FHIT: variants seen among roughly 807,000 people sequenced by gnomAD.
FHIT encodes the protein bis(5'-adenosyl)-triphosphatase.
FHIT carries 19 observed loss-of-function variants against 17.9 expected under a neutral mutation model. That is an observed-to-expected ratio of 1.06 (90% CI 0.74 to 1.56). The LOEUF is 1.56. Ranked by LOEUF, FHIT falls within the 40% of genes most tolerant of loss-of-function variation. The pLI is 0.00. For missense variants in FHIT, 248 were observed against 189.2 expected (o/e 1.31, Z -1.82); for synonymous variants, 81 against 69.7 (o/e 1.16, Z -0.81).
intron 5 of FHIT, among the ~76,000 whole-genome samples, chr3:60,511,625 A>T (rs2034954005): frequency 6.6e-6 from 1 of 152,172 alleles, no homozygotes; most frequent in Non-Finnish European, 1.5e-5. Flanking sequence ...ATGATTTAAA[A>T]TATATGTATA....
Position 60,138,921 on chromosome 3 carries a change from G to A in FHIT, c.104-124769C>T, listed in dbSNP as rs927006453. Among the ~76,000 whole-genome samples the A allele has an allele frequency of 2.6e-5, 4 of 152,166 alleles. No homozygotes were observed. The East Asian group carries it at 5.8e-4, about 22-fold the overall frequency. ...ACCAACACAGCCTTTGACTTTATAGGAAAGCCACACTAGCAACAAAATAAA... is the reference window on the plus strand; with the variant it reads ...ACCAACACAGCCTTTGACTTTATAGAAAAGCCACACTAGCAACAAAATAAA... On this transcript the variant is annotated intron_variant, in intron 5 of 9. Transcript: ENST00000492590.
At chr3:60,688,350 G>A (rs2040906372) in intron 4 of FHIT, among the ~76,000 whole-genome samples, 1 of 151,802 alleles carries the variant, frequency 6.6e-6, no homozygotes, top group South Asian at 2.1e-4. Context: ...TAAGAAAATG[G>A]CTTTTTACAA....
chr3:60,621,118 G>A (rs1162279770), intron 4 of FHIT, among the ~76,000 whole-genome samples: 8 of 148,374 alleles, frequency 5.4e-5, no homozygotes, highest in Non-Finnish European at 1.0e-4. Context: ...TCACAGTTTG[G>A]TATTTATGCT....
chr3:60,756,172 C>A (rs1179714304), intron 4 of FHIT, among the ~76,000 whole-genome samples: 1 of 152,226 alleles, frequency 6.6e-6, no homozygotes, highest in Admixed American at 6.5e-5. Flanking sequence ...AACTTCAATG[C>A]ATCTTGATTC....
At chr3:60,937,311 A>T (rs1708231916) in intron 3 of FHIT, among the ~76,000 whole-genome samples, 1 of 152,242 alleles carries the variant, frequency 6.6e-6, no homozygotes, top group Admixed American at 6.5e-5. Context: ...GCCTACTAGG[A>T]GAATATTTTC....
At chr3:59,803,651 C>T (rs1700087049) in intron 8 of FHIT, among the ~76,000 whole-genome samples, 1 of 152,166 alleles carries the variant, frequency 6.6e-6, no homozygotes, top group Admixed American at 6.5e-5. Flanking sequence ...TAAAGAAGTT[C>T]TGGACCTTTT....
intron 5 of FHIT, among the ~76,000 whole-genome samples, chr3:60,066,595 A>G (rs1173626553): frequency 1.5e-5 from 2 of 131,142 alleles, no homozygotes; most frequent in African/African-American, 5.5e-5. Context: ...CTGTTCACTG[A>G]CTATTTGTTA....
intron 8 of FHIT, among the ~76,000 whole-genome samples, chr3:59,791,241 T>A (rs1478219036): frequency 6.6e-6 from 1 of 152,176 alleles, no homozygotes; most frequent in South Asian, 2.1e-4. Context: ...TGGCCATGGT[T>A]ATTGGCTCAG....
intron 5 of FHIT, among the ~76,000 whole-genome samples, chr3:60,385,870 G>C (rs906606283): frequency 6.6e-6 from 1 of 152,108 alleles, no homozygotes; most frequent in Non-Finnish European, 1.5e-5. Flanking sequence ...GAGCCACTGT[G>C]CCTGGTCCAT....
At chr3:61,172,527 A>G (rs17064561) in intron 2 of FHIT, among the ~76,000 whole-genome samples, 6,974 of 152,286 alleles carry the variant, frequency 0.046, 515 homozygotes, top group East Asian at 0.27. Flanking sequence ...ATCTTTTAAC[A>G]TCTTTTGAAT....
chr3:60,787,525 A>C (rs782300078), intron 4 of FHIT, among the ~76,000 whole-genome samples: 4 of 152,234 alleles, frequency 2.6e-5, no homozygotes, highest in Non-Finnish European at 2.9e-5. Context: ...AGCAAGCTCC[A>C]TGAAGGCAGT....
intron 5 of FHIT, among the ~76,000 whole-genome samples, chr3:60,239,680 A>G (rs1705026840): frequency 1.3e-5 from 2 of 152,194 alleles, no homozygotes; most frequent in South Asian, 4.1e-4. Flanking sequence ...AAGCATGGAA[A>G]AACACACAGA....
chr3:60,181,470 T>C (rs538584856), intron 5 of FHIT, among the ~76,000 whole-genome samples: 91 of 152,298 alleles, frequency 6.0e-4, no homozygotes, highest in Middle Eastern at 6.8e-3. Flanking sequence ...ATCCTCATTT[T>C]ACAGATGGGA....
At chr3:59,763,066 G>C (rs370032723) in intron 8 of FHIT, among the ~76,000 whole-genome samples, 1 of 152,142 alleles carries the variant, frequency 6.6e-6, no homozygotes, top group Admixed American at 6.5e-5. Context: ...TTCAGATATT[G>C]GTGTTTAAGC....
rs1352005364 is a variant in FHIT, at chr3:61,006,807, G to C, written c.-111+35240C>G. Among the ~76,000 whole-genome samples, 16 of 151,982 alleles carry C rather than the reference G, an allele frequency of 1.1e-4. No individual in the cohort carries two copies. In the East Asian group the frequency reaches 3.1e-3, roughly 29 times the overall value. On this transcript the variant is annotated intron_variant, in intron 3 of 9. Transcript: ENST00000492590. ...TACTCCATTCTTCGGAAATTATCTAGATACAAATATATACATGGCTAAGTT... is the reference window on the plus strand; with the variant it reads ...TACTCCATTCTTCGGAAATTATCTACATACAAATATATACATGGCTAAGTT...
chr3:60,415,849 TTTATATAAGATATTATTATA>T (rs1465917734), intron 5 of FHIT, among the ~76,000 whole-genome samples: 3 of 146,862 alleles, frequency 2.0e-5, no homozygotes, highest in African/African-American at 7.4e-5. Context: ...CTTTGGGATT[TTTATATAAGATATTATTATA>T]TAATACTATT....
At chr3:60,291,091 G>C (rs141468884) in intron 5 of FHIT, among the ~76,000 whole-genome samples, 405 of 152,272 alleles carry the variant, frequency 2.7e-3, no homozygotes, top group African/African-American at 8.3e-3. Flanking sequence ...TCACAGCTGA[G>C]GAAATCAAGG....
At position 60,933,136 on chromosome 3, in the gene FHIT, T is replaced by C. The variant is rs200193736; in HGVS notation, c.-111+108911A>G. Among the ~76,000 whole-genome samples, 6 of 152,200 alleles carry C rather than the reference T, an allele frequency of 3.9e-5. No homozygotes were observed. In the East Asian group the frequency reaches 1.2e-3, roughly 29 times the overall value. Reference sequence around the variant, plus strand: ...TAACTTATATTTCATGACATGAACATATTCTCAATATATTAACTTCAAAAG... The same window carrying C: ...TAACTTATATTTCATGACATGAACACATTCTCAATATATTAACTTCAAAAG... On this transcript the variant is annotated intron_variant, in intron 3 of 9. Coordinates refer to ENST00000492590, the MANE Select transcript of FHIT (RefSeq NM_002012.4).
chr3:60,627,758 G>A (rs1310211086), intron 4 of FHIT, among the ~76,000 whole-genome samples: 4 of 152,164 alleles, frequency 2.6e-5, no homozygotes, highest in African/African-American at 4.8e-5. Flanking sequence ...TCCTGACCAC[G>A]TGATCCGCCC....
Sources: allele counts gnomAD v4.1 joint callset (sites outside exome capture counted in the v4.1 genomes callset), GRCh38; gene constraint gnomAD v4.1.1; transcripts MANE v1.5; gene names NCBI Gene and HGNC (gene_info 2026-07-23, HGNC 2026-07-21).